The following ARHGAP25 variants were observed in gnomAD, a reference collection of about 807,000 sequenced individuals.
ARHGAP25 encodes rho GTPase-activating protein 25.
A neutral mutation model predicts 71.0 loss-of-function variants in ARHGAP25; 34 were observed. That is an observed-to-expected ratio of 0.48 (90% confidence interval 0.36 to 0.64). The LOEUF (loss-of-function observed/expected upper bound fraction) is 0.64, where lower values mean the gene tolerates loss of function less well. Among genes scored for constraint, ARHGAP25 ranks in the 30% least tolerant of loss-of-function variants. ARHGAP25 has a pLI of 0.00. For missense variants in ARHGAP25, 706 were observed against 805.1 expected, an observed-to-expected ratio of 0.88 and a Z score of 1.49; for synonymous variants, 282 against 296.5, an observed-to-expected ratio of 0.95 and a Z score of 0.50.
Position 68,819,205 on chromosome 2 carries a change from G to T in ARHGAP25, c.1086G>T (p.Leu362=). The change falls in exon 9 of 11, where the codon CTG becomes CTT. Residue 362 remains leucine, a synonymous_variant. Transcript: ENST00000409202. ...VLFPKSKDIP[L]SPPAQKNDPK... ...TCCCCAAGTCCAAGGATATACCCCT[G>T]TCACCCCCTGCCCAGAAAAATGACC... The T allele has an allele frequency of 6.2e-7, 1 of 1,614,112 alleles. No homozygotes were observed. The highest frequency in any genetic ancestry group is 8.5e-7 in the Non-Finnish European group (1 of 1,180,002).
chr2:68,725,972 G>C (rs1027517587), intron 2 of ARHGAP25, among the ~76,000 whole-genome samples: 4 of 152,086 alleles, frequency 2.6e-5, no homozygotes, highest in African/African-American at 9.7e-5. Context: ...CACCTTCGCT[G>C]TCCAACTATT....
chr2:68,740,976 G>A (rs1026371546), intron 1 of ARHGAP25, among the ~76,000 whole-genome samples: 1 of 152,222 alleles, frequency 6.6e-6, no homozygotes, highest in Non-Finnish European at 1.5e-5. Flanking sequence ...GTGAATCTGG[G>A]GCAAGTTGCT....
At position 68,735,666 on chromosome 2, in the gene ARHGAP25, G is replaced by T. The variant is rs900523809; in HGVS notation, c.61+406G>T. 7 of 180,522 alleles carry T rather than the reference G, an allele frequency of 3.9e-5. No homozygotes were observed. In the East Asian group the frequency reaches 1.1e-3, roughly 27 times the overall value. The allele number at this position is 180,522 out of a possible 1,614,324, so 11.2% of individuals were successfully genotyped here. A position where few individuals can be genotyped will look rare whatever the true frequency, so the allele number is the denominator to read the frequency against. On this transcript the variant is annotated intron_variant, in intron 1 of 10. Transcript: ENST00000409202. ...CAATCTGTAAGTAAATTCAATGGGTGTTCTGTTTTGTGAGCCCAGGAGTCA... is the reference window on the plus strand; with the variant it reads ...CAATCTGTAAGTAAATTCAATGGGTTTTCTGTTTTGTGAGCCCAGGAGTCA...
chr2:68,818,940 A>G (rs974126662), intron 8 of ARHGAP25, among the ~76,000 whole-genome samples, 183 bp from the exon 9 acceptor site: 4 of 152,178 alleles, frequency 2.6e-5, no homozygotes, highest in Non-Finnish European at 5.9e-5. Context: ...CTTCTGTTCC[A>G]TCCCTTTCAA....
chr2:68,770,095 A>G (rs1239185479), intron 1 of ARHGAP25, among the ~76,000 whole-genome samples: 1 of 152,154 alleles, frequency 6.6e-6, no homozygotes, highest in Non-Finnish European at 1.5e-5. Context: ...GGCTGGGAGA[A>G]TGTCACTCAA....
At chr2:68,777,197 G>C (rs1462791189) in intron 2 of ARHGAP25, among the ~76,000 whole-genome samples, 6 of 152,184 alleles carry the variant, frequency 3.9e-5, no homozygotes, top group Non-Finnish European at 7.3e-5. Context: ...CAGAGTGTAA[G>C]GGAGACGGCA....
chr2:68,812,362 C>T (rs980915056), intron 5 of ARHGAP25, among the ~76,000 whole-genome samples: 7 of 152,346 alleles, frequency 4.6e-5, no homozygotes, highest in South Asian at 2.1e-4. Flanking sequence ...GCTCCTGGCC[C>T]GTGGCTTGCC....
At chr2:68,815,522 C>G (rs1269121389) in intron 6 of ARHGAP25, among the ~76,000 whole-genome samples, 1 of 142,784 alleles carries the variant, frequency 7.0e-6, no homozygotes, top group Non-Finnish European at 1.5e-5. Flanking sequence ...GCGATCTCAG[C>G]TCACTGCAAT....
chr2:68,813,372 G>A lies in ARHGAP25; in HGVS notation c.760G>A (p.Glu254Lys), dbSNP rs61758703. The change falls in exon 6 of 11, where the codon GAA (glutamate) becomes AAA (lysine). Residue 254 changes from glutamate to lysine, a missense_variant. Glu to Lys is a moderately conservative substitution (Grantham distance 56). Coordinates refer to ENST00000409202, the MANE Select transcript of ARHGAP25 (RefSeq NM_001007231.3). ...GCCCGTGGTTCCCTGGAGCCAGTAC[G>A]AAGGGTTCCTGCTCTGTGGGCAGCT... ...PEPVVPWSQYEGFLLCGQLTN... is the reference protein window; with the variant it reads ...PEPVVPWSQYKGFLLCGQLTN... The A allele has an allele frequency of 5.6e-3, 9,027 of 1,613,670 alleles. 20 individuals are homozygous for A. Among genetic ancestry groups the A allele is most frequent in the Non-Finnish European group, 7.0e-3 (8,292 of 1,179,916 alleles).
rs1218418813 is a variant in ARHGAP25 at position 68,755,225 on chromosome 2, GC to G, written c.61+19968del. 2.6e-5 allele frequency among the ~76,000 whole-genome samples: 4 copies of G among 151,938 alleles called. No individual in the cohort carries two copies. In the East Asian group the frequency reaches 7.7e-4, roughly 29 times the overall value. ...TCTTTTATTTTTTCTCTCCAGCACTGCCCACATGAACACACCCACACACTTA... is the reference window on the plus strand; with the variant it reads ...TCTTTTATTTTTTCTCTCCAGCACTGCCACATGAACACACCCACACACTTA... On this transcript the variant is annotated intron_variant, in intron 1 of 10. Transcript: ENST00000409202.
chr2:68,761,421 A>G (rs1676809569), intron 1 of ARHGAP25, among the ~76,000 whole-genome samples: 1 of 151,822 alleles, frequency 6.6e-6, no homozygotes. Flanking sequence ...TTACGTATCA[A>G]AAGATACTAC....
upstream of ARHGAP25, among the ~76,000 whole-genome samples, chr2:68,733,031 A>T (rs918328423): frequency 6.6e-6 from 1 of 152,240 alleles, no homozygotes; most frequent in Non-Finnish European, 1.5e-5. Context: ...CTTGAGACAG[A>T]TGAGCTCACC....
At chr2:68,741,986 T>G (rs1032988592) in intron 1 of ARHGAP25, among the ~76,000 whole-genome samples, 2 of 152,198 alleles carry the variant, frequency 1.3e-5, no homozygotes, top group African/African-American at 4.8e-5. Flanking sequence ...CTGCTGTGCC[T>G]CTCATGCTGC....
In ARHGAP25 at chr2:68,803,195, C is replaced by T. The variant is rs141836411; in HGVS notation, c.467-4078C>T. Among the ~76,000 whole-genome samples, 444 of 152,214 alleles carry T rather than the reference C, an allele frequency of 2.9e-3. 1 individual carries two copies. Among genetic ancestry groups the T allele is most frequent in the Admixed American group, 4.6e-3 (71 of 15,294 alleles). Reference sequence around the variant, plus strand: ...AAACGAGCAGGTGGAAGATGGAGCACAGTCAAAGACACTTGAAAGGAGTCA... The same window carrying T: ...AAACGAGCAGGTGGAAGATGGAGCATAGTCAAAGACACTTGAAAGGAGTCA... On this transcript the variant is annotated intron_variant, in intron 4 of 10. Transcript: ENST00000409202.
At chr2:68,737,034 T>C (rs1394930546) in intron 1 of ARHGAP25, among the ~76,000 whole-genome samples, 2 of 152,124 alleles carry the variant, frequency 1.3e-5, no homozygotes, top group African/African-American at 4.8e-5. Context: ...CAGATGATGT[T>C]ATTTAGTATT....
At chr2:68,783,831 C>T (rs1678529898) in intron 3 of ARHGAP25, among the ~76,000 whole-genome samples, 1 of 152,130 alleles carries the variant, frequency 6.6e-6, no homozygotes, top group Admixed American at 6.5e-5. Flanking sequence ...GGAAAGCCTG[C>T]TTTTTCAGTC....
chr2:68,792,107 C>A (rs1048175179), intron 4 of ARHGAP25, among the ~76,000 whole-genome samples: 1 of 151,576 alleles, frequency 6.6e-6, no homozygotes, highest in Non-Finnish European at 1.5e-5. Context: ...AATCATCACA[C>A]TCTGTCCAGA....
intron 1 of ARHGAP25, among the ~76,000 whole-genome samples, chr2:68,761,775 A>T (rs993597704): frequency 6.6e-6 from 1 of 152,176 alleles, no homozygotes; most frequent in African/African-American, 2.4e-5. Context: ...ACCCTTTTGC[A>T]CTGTTGGTGG....
intron 2 of ARHGAP25, among the ~76,000 whole-genome samples, chr2:68,719,831 G>A (rs1001655309): frequency 1.3e-5 from 2 of 152,168 alleles, no homozygotes; most frequent in East Asian, 3.9e-4. Context: ...GACAGAGCAG[G>A]GGTTGGTACC....
Sources: gnomAD v4.1 joint callset for allele counts (sites outside exome capture counted in the v4.1 genomes callset) on GRCh38, gnomAD v4.1.1 for gene constraint, MANE v1.5 for transcripts, NCBI Gene and HGNC (gene_info 2026-07-23, HGNC 2026-07-21) for gene names.